ELP4: variants seen among roughly 807,000 people sequenced by gnomAD.
ELP4 encodes the protein elongator complex protein 4.
ELP4 carries 51 observed loss-of-function variants against 48.9 expected under a neutral mutation model. The ratio of observed to expected loss-of-function variants is 1.04; its 90% CI spans 0.83 to 1.32. The LOEUF is 1.32. ELP4 is among the 40% of genes most tolerant of loss of function. The pLI, the probability that ELP4 is intolerant of heterozygous loss-of-function variation, is 0.00. For missense variants in ELP4, 519 were observed against 514.6 expected (o/e 1.01, Z -0.08); for synonymous variants, 210 against 189.2 (o/e 1.11, Z -0.90).
chr11:31,668,675 C>CATGTGTGTGTGT (rs757792983), intron 9 of ELP4, among the ~76,000 whole-genome samples: 2,233 of 121,024 alleles, frequency 0.018, 213 homozygotes, highest in East Asian at 0.043. Context: ...CCTTTGGTAC[C>CATGTGTGTGTGT]GTGTGTGTGT....
chr11:31,764,437 C>T (rs1948004925), intron 9 of ELP4, among the ~76,000 whole-genome samples: 1 of 152,180 alleles, frequency 6.6e-6, no homozygotes, highest in African/African-American at 2.4e-5. Flanking sequence ...AATTTAATTA[C>T]ACAGCTTAAA....
intron 9 of ELP4, among the ~76,000 whole-genome samples, chr11:31,697,344 T>G (rs1417171394): frequency 6.6e-6 from 1 of 152,154 alleles, no homozygotes; most frequent in Admixed American, 6.6e-5. Context: ...TAATTGGGTT[T>G]TCTCTACATC....
chr11:31,588,046 CAT>C lies in ELP4; in HGVS notation c.382-6719_382-6718del, dbSNP rs35625799. On this transcript the variant is annotated intron_variant, in intron 3 of 9. Coordinates refer to ENST00000640961, the MANE Select transcript of ELP4 (RefSeq NM_019040.5). ...CCAAACTGTTTATATACTTTTAAAA[CAT>C]ATATGTTTCTGTATATGCTTTGTGG... Among the ~76,000 whole-genome samples, 2,284 of 152,098 alleles carry C rather than the reference CAT, an allele frequency of 0.015. 197 individuals are homozygous for C. In the East Asian group the frequency reaches 0.24, roughly 16 times the overall value.
At chr11:31,610,159 G>T (rs2134011408) in intron 5 of ELP4, among the ~76,000 whole-genome samples, 1 of 152,276 alleles carries the variant, frequency 6.6e-6, no homozygotes. Context: ...TTATTAAAAG[G>T]ATATGGTGAA....
intron 3 of ELP4, among the ~76,000 whole-genome samples, chr11:31,567,969 A>G (rs951703124): frequency 2.6e-5 from 4 of 152,178 alleles, no homozygotes; most frequent in Non-Finnish European, 4.4e-5. Flanking sequence ...TGCCACATCA[A>G]TTGACTCTTC....
chr11:31,697,471 T>C (rs1251880217), intron 9 of ELP4, among the ~76,000 whole-genome samples: 1 of 152,118 alleles, frequency 6.6e-6, no homozygotes, highest in Admixed American at 6.6e-5. Context: ...TTGTTTAAAA[T>C]CATCTTACTA....
At chr11:31,519,225 T>C (rs781779206) in intron 1 of ELP4, among the ~76,000 whole-genome samples, 1 of 152,186 alleles carries the variant, frequency 6.6e-6, no homozygotes, top group Non-Finnish European at 1.5e-5. Flanking sequence ...ATTGTAAATA[T>C]ATTTAGAGCA....
At chr11:31,705,838 A>T (rs1313740216) in intron 9 of ELP4, among the ~76,000 whole-genome samples, 2 of 146,420 alleles carry the variant, frequency 1.4e-5, no homozygotes, top group Non-Finnish European at 3.0e-5. Flanking sequence ...ACAATACATA[A>T]TTTTTTTTAA....
At chr11:31,576,917 C>G (rs1174187265) in intron 3 of ELP4, among the ~76,000 whole-genome samples, 2 of 152,068 alleles carry the variant, frequency 1.3e-5, no homozygotes, top group African/African-American at 4.8e-5. Flanking sequence ...CAAAAGCTAG[C>G]AGAAGGTAAG....
intron 9 of ELP4, among the ~76,000 whole-genome samples, chr11:31,754,439 C>T (rs1035581452): frequency 1.4e-4 from 21 of 152,234 alleles, no homozygotes; most frequent in Non-Finnish European, 2.9e-4. Context: ...ACTTCAGTGA[C>T]TTGCACCTAC....
intron 4 of ELP4, among the ~76,000 whole-genome samples, 157 bp from the exon 5 acceptor site, chr11:31,603,611 T>C (rs1957819434): frequency 1.3e-5 from 2 of 151,900 alleles, no homozygotes; most frequent in Admixed American, 6.6e-5. Flanking sequence ...ATAAAGGTTG[T>C]TGTATGCTTC....
At position 31,786,043 on chromosome 11, in the gene ELP4, C is replaced by T. The variant is rs1382665257; in HGVS notation, c.*2519C>T. ...AATATTTTGACTACTGCAGTTTGCT[C>T]AGGTGCTCGGGTTCTAAGACTTTTT... is the stretch of plus-strand genomic sequence containing the variant. On this transcript the variant is annotated 3_prime_UTR_variant, in exon 10 of 10. Coordinates refer to ENST00000640961, the MANE Select transcript of ELP4 (RefSeq NM_019040.5). The T allele has an allele frequency of 4.9e-6, 1 of 204,988 alleles. No homozygotes were observed. The highest frequency in any genetic ancestry group is 2.3e-5 in the African/African-American group (1 of 43,832). 12.7% of individuals were successfully genotyped at this position (204,988 alleles called of 1,614,324 possible). A position where few individuals can be genotyped will look rare whatever the true frequency, so the allele number is the denominator to read the frequency against.
At chr11:31,606,504 T>C (rs1957878317) in intron 5 of ELP4, among the ~76,000 whole-genome samples, 1 of 152,206 alleles carries the variant, frequency 6.6e-6, no homozygotes, top group South Asian at 2.1e-4. Flanking sequence ...CTGCAGATCA[T>C]TTAAAATTTA....
At chr11:31,633,647 T>C (rs1944911825) in intron 7 of ELP4, 1 of 152,062 alleles carries the variant, frequency 6.6e-6, no homozygotes, top group African/African-American at 2.4e-5. Context: ...ATTGCTTTCA[T>C]TGTTAATAAG....
intron 9 of ELP4, among the ~76,000 whole-genome samples, chr11:31,767,002 G>A (rs1948055103): frequency 6.6e-6 from 1 of 151,948 alleles, no homozygotes. Flanking sequence ...ATCATTTGAT[G>A]AAAAAAATCA....
At chr11:31,782,581 G>T (rs1457329598) in intron 9 of ELP4, among the ~76,000 whole-genome samples, 2 of 152,130 alleles carry the variant, frequency 1.3e-5, no homozygotes, top group African/African-American at 2.4e-5. Context: ...ATGTTATTTT[G>T]AAATATGGAT....
intron 5 of ELP4, among the ~76,000 whole-genome samples, chr11:31,617,653 G>A (rs1241384025): frequency 1.3e-5 from 2 of 148,382 alleles, no homozygotes; most frequent in Non-Finnish European, 3.0e-5. Context: ...TCTGTTAATA[G>A]AAGATAAATC....
In ELP4 at chr11:31,773,579, T is replaced by C. The variant is rs996174241; in HGVS notation, c.1144-9814T>C. 2.6e-5 allele frequency among the ~76,000 whole-genome samples: 4 copies of C among 152,162 alleles called. No individual in the cohort carries two copies. The East Asian group carries it at 7.7e-4, about 29-fold the overall frequency. ...AGCAACTGGACACAGAAGCAGAGGT[T>C]TGGCCTCAACTTCCACAACTGTCTC... is the stretch of plus-strand genomic sequence containing the variant. On this transcript the variant is annotated intron_variant, in intron 9 of 9. Coordinates refer to ENST00000640961, the MANE Select transcript of ELP4 (RefSeq NM_019040.5).
intron 5 of ELP4, among the ~76,000 whole-genome samples, chr11:31,615,454 T>C (rs1424729028): frequency 6.6e-6 from 1 of 151,990 alleles, no homozygotes; most frequent in African/African-American, 2.4e-5. Context: ...ATTTTAGCCA[T>C]CATAATTGTT....
Sources: allele counts gnomAD v4.1 joint callset (sites outside exome capture counted in the v4.1 genomes callset), GRCh38; gene constraint gnomAD v4.1.1; transcripts MANE v1.5; gene names NCBI Gene and HGNC (gene_info 2026-07-23, HGNC 2026-07-21).